The following ZNF385D variants were observed in gnomAD, a reference collection of about 807,000 sequenced individuals.
ZNF385D encodes the protein zinc finger protein 659.
In ZNF385D, 15 loss-of-function variants were observed where a neutral mutation model predicts 35.8. The observed-to-expected ratio is 0.42, with a 90% CI of 0.28 to 0.64. The LOEUF (loss-of-function observed/expected upper bound fraction) is 0.64. Among genes scored for constraint, ZNF385D ranks in the 30% least tolerant of loss-of-function variants. The pLI, the probability that ZNF385D is intolerant of heterozygous loss-of-function variation, is 0.23. For synonymous variants in ZNF385D, 212 were observed against 186.8 expected (o/e 1.13, Z -1.10); for missense variants, 474 against 494.6 (o/e 0.96, Z 0.39).
chr3:21,938,649 C>T (rs779300310), intron 3 of ZNF385D, among the ~76,000 whole-genome samples: 1 of 152,192 alleles, frequency 6.6e-6, no homozygotes, highest in Non-Finnish European at 1.5e-5. Flanking sequence ...CCATGTCAGT[C>T]ACACTGCTCA....
At chr3:21,596,370 C>T (rs1575280457) in intron 2 of ZNF385D, among the ~76,000 whole-genome samples, 1 of 152,264 alleles carries the variant, frequency 6.6e-6, no homozygotes, top group East Asian at 1.9e-4. Context: ...TGAGAACTTA[C>T]TGTTCTTCAG....
intron 3 of ZNF385D, among the ~76,000 whole-genome samples, chr3:21,932,646 A>C (rs1207000327): frequency 6.6e-6 from 1 of 151,914 alleles, no homozygotes; most frequent in Non-Finnish European, 1.5e-5. Flanking sequence ...AAGAAAGTTA[A>C]GGAGGTTAAA....
At chr3:21,524,823 A>G (rs1002557702) in intron 3 of ZNF385D, among the ~76,000 whole-genome samples, 1 of 152,208 alleles carries the variant, frequency 6.6e-6, no homozygotes, top group Non-Finnish European at 1.5e-5. Flanking sequence ...GGGGGTATTA[A>G]TCAAGGGCTG....
At chr3:22,230,141 G>A (rs1698799896) in intron 2 of ZNF385D, among the ~76,000 whole-genome samples, 1 of 152,098 alleles carries the variant, frequency 6.6e-6, no homozygotes, top group Admixed American at 6.6e-5. Flanking sequence ...TGGTTTTTAG[G>A]ATACTGGAGA....
Position 21,983,036 on chromosome 3 carries a change from T to TTGGGATAC in ZNF385D, c.325+185780_325+185781insGTATCCCA, listed in dbSNP as rs1394812509. ...TTTACATTGATGTTTATCAAGGATA[T>TTGGGATAC]TGGGCTGAAGTTTTCTTTTTTTGTT... On this transcript the variant is annotated intron_variant, in intron 3 of 5. Transcript: ENST00000494108. Among the ~76,000 whole-genome samples, 24 of 152,122 alleles carry TTGGGATAC rather than the reference T, an allele frequency of 1.6e-4. 1 individual carries two copies. Among genetic ancestry groups the TTGGGATAC allele is most frequent in the African/African-American group, 4.8e-4 (20 of 41,540 alleles).
intron 2 of ZNF385D, among the ~76,000 whole-genome samples, chr3:22,230,940 GGC>G (rs1249909861): frequency 6.6e-6 from 1 of 152,062 alleles, no homozygotes; most frequent in Non-Finnish European, 1.5e-5. Flanking sequence ...ATTTAGCTGA[GGC>G]ACTCAGGAAA....
At chr3:22,013,173 C>A (rs761844775) in intron 3 of ZNF385D, among the ~76,000 whole-genome samples, 2 of 152,010 alleles carry the variant, frequency 1.3e-5, no homozygotes, top group Non-Finnish European at 2.9e-5. Flanking sequence ...TGTGTTAAAA[C>A]TGAAAATATA....
At chr3:21,875,426 CTCA>C (rs1553689840) in intron 3 of ZNF385D, among the ~76,000 whole-genome samples, 1 of 151,924 alleles carries the variant, frequency 6.6e-6, no homozygotes, top group Non-Finnish European at 1.5e-5. Flanking sequence ...CCCTTTTATC[CTCA>C]TATCTTGAAT....
intron 4 of ZNF385D, among the ~76,000 whole-genome samples, chr3:21,501,782 A>T (rs995673897): frequency 6.6e-6 from 1 of 152,114 alleles, no homozygotes; most frequent in Non-Finnish European, 1.5e-5. Flanking sequence ...AGGAGGAAAA[A>T]CTCTCCATGA....
At chr3:21,668,409 C>T (rs2066468701) in intron 1 of ZNF385D, among the ~76,000 whole-genome samples, 1 of 152,176 alleles carries the variant, frequency 6.6e-6, no homozygotes. Flanking sequence ...CACAGTCCAG[C>T]TCCTTCCTCT....
At position 22,349,891 on chromosome 3, in the gene ZNF385D, T is replaced by C. The variant is rs115145035; in HGVS notation, c.106+22559A>G. ...GTGTAGGACAATAACCAATTAATAATATAAGATGTAACCACTCATGAAGTT... is the reference window on the plus strand; with the variant it reads ...GTGTAGGACAATAACCAATTAATAACATAAGATGTAACCACTCATGAAGTT... On this transcript the variant is annotated intron_variant, in intron 2 of 5. Coordinates refer to the ZNF385D transcript ENST00000494108. 7.4e-3 allele frequency among the ~76,000 whole-genome samples: 1,131 copies of C among 152,278 alleles called. 26 individuals are homozygous for C. Among genetic ancestry groups the C allele is most frequent in the African/African-American group, 0.026 (1,084 of 41,570 alleles).
chr3:21,617,212 T>C (rs1465986576), intron 2 of ZNF385D, among the ~76,000 whole-genome samples: 1 of 152,158 alleles, frequency 6.6e-6, no homozygotes, highest in East Asian at 1.9e-4. Context: ...CTTAATAAAA[T>C]TGATGGCAAG....
At chr3:21,901,022 G>C (rs984192164) in intron 3 of ZNF385D, among the ~76,000 whole-genome samples, 1 of 152,162 alleles carries the variant, frequency 6.6e-6, no homozygotes, top group Non-Finnish European at 1.5e-5. Flanking sequence ...TGTAATCTTG[G>C]TATTGCCCTT....
chr3:21,945,645 A>C (rs11708529), intron 3 of ZNF385D, among the ~76,000 whole-genome samples: 17,530 of 152,098 alleles, frequency 0.12, 1,340 homozygotes, highest in South Asian at 0.26. Context: ...TCAAAAACTT[A>C]TTTCGTTGCT....
chr3:22,137,214 G>A (rs983043010), intron 3 of ZNF385D, among the ~76,000 whole-genome samples: 4 of 152,078 alleles, frequency 2.6e-5, no homozygotes, highest in African/African-American at 4.8e-5. Context: ...AGGACCAGAC[G>A]GATTCACAGC....
chr3:21,480,378 C>T (rs1010775321), intron 4 of ZNF385D, among the ~76,000 whole-genome samples: 6 of 152,064 alleles, frequency 3.9e-5, no homozygotes, highest in South Asian at 2.1e-4. Context: ...GCTAGGATTA[C>T]GGGTGTGAGC....
At chr3:22,182,439 A>G (rs925482031) in intron 2 of ZNF385D, among the ~76,000 whole-genome samples, 19 of 152,168 alleles carry the variant, frequency 1.2e-4, no homozygotes, top group Non-Finnish European at 2.2e-4. Context: ...ATGCACATCC[A>G]TGACAGACAT....
rs112604445 is a variant in ZNF385D at position 21,629,715 on chromosome 3, G to A, written c.165+35171C>T. On this transcript the variant is annotated intron_variant, in intron 2 of 7. Coordinates refer to ENST00000281523, the MANE Select transcript of ZNF385D (RefSeq NM_024697.3). ...ACTCTTTTAAGCTCTGTTTGCCACT[G>A]GTTCCCATGGTTTACCAGAGAATGG... 6.0e-3 allele frequency among the ~76,000 whole-genome samples: 907 copies of A among 152,202 alleles called. 12 individuals carry two copies. The highest frequency in any genetic ancestry group is 0.02 in the African/African-American group (832 of 41,536).
At chr3:22,011,035 C>G (rs1696538574) in intron 3 of ZNF385D, among the ~76,000 whole-genome samples, 1 of 152,046 alleles carries the variant, frequency 6.6e-6, no homozygotes, top group South Asian at 2.1e-4. Flanking sequence ...GCCAATATAA[C>G]TCATTAAAGA....
Sources: allele counts gnomAD v4.1 joint callset (sites outside exome capture counted in the v4.1 genomes callset), GRCh38; gene constraint gnomAD v4.1.1; transcripts MANE v1.5; gene names NCBI Gene and HGNC (gene_info 2026-07-23, HGNC 2026-07-21).